The following CMPK1 variants were observed in gnomAD, a reference collection of about 807,000 sequenced individuals.
CMPK1 encodes cytidine/uridine monophosphate kinase 1.
In CMPK1, 10 loss-of-function variants were observed where a neutral mutation model predicts 25.7. That is an observed-to-expected ratio of 0.39 (90% CI 0.24 to 0.66). The LOEUF (loss-of-function observed/expected upper bound fraction) is 0.66. CMPK1 is among the 30% of genes least tolerant of loss of function. CMPK1 has a pLI of 0.48. For missense variants in CMPK1, 199 were observed against 280.5 expected (o/e 0.71, Z 2.08); for synonymous variants, 106 against 101.5 (o/e 1.04, Z -0.27).
At chr1:47,370,257 G>A (rs927446183) in intron 2 of CMPK1, among the ~76,000 whole-genome samples, 2 of 151,684 alleles carry the variant, frequency 1.3e-5, no homozygotes, top group Non-Finnish European at 2.9e-5. Flanking sequence ...CATCATTGAT[G>A]TTCGCTCAGC....
chr1:47,368,517 AG>A lies in CMPK1; in HGVS notation c.222del (p.Lys75ArgfsTer25), dbSNP rs1473687636. On this transcript the variant is annotated frameshift_variant, in exon 2 of 6. Transcript: ENST00000371873. LOFTEE classifies it high-confidence loss of function. Reference protein sequence around the residue: ...LSAGELLRDERKNPDSQYGEL... With the variant: ...LSAGELLRDEXKNPDSQYGEL... ...TGCAGGAGAGCTGCTTCGTGATGAA[AG>A]GAAGAACCCAGATTCACAGTATGGT... 1.2e-6 allele frequency: 2 copies of A among 1,613,408 alleles called. No individual in the cohort carries two copies. Among genetic ancestry groups the A allele is most frequent in the African/African-American group, 2.7e-5 (2 of 74,932 alleles).
chr1:47,355,623 G>C (rs753980519), intron 1 of CMPK1, among the ~76,000 whole-genome samples: 1 of 138,430 alleles, frequency 7.2e-6, no homozygotes, highest in Non-Finnish European at 1.6e-5. Flanking sequence ...TTTTTTTCTG[G>C]GGGGACAGAG....
intron 1 of CMPK1, among the ~76,000 whole-genome samples, chr1:47,335,636 C>CAAAA (rs34856862): frequency 2.7e-5 from 2 of 75,272 alleles, no homozygotes; most frequent in African/African-American, 4.8e-5. Flanking sequence ...AACTCCGTCT[C>CAAAA]AAAAAAAAAA....
chr1:47,358,409 A>T, intron 1 of CMPK1: 2 of 1,230,124 alleles, frequency 1.6e-6, no homozygotes, highest in Non-Finnish European at 1.0e-6. Context: ...CACAGTGCGT[A>T]GTCCCTGTTT....
At chr1:47,359,354 G>C (rs2149330940) in intron 1 of CMPK1, among the ~76,000 whole-genome samples, 1 of 142,304 alleles carries the variant, frequency 7.0e-6, no homozygotes, top group Admixed American at 6.8e-5. Flanking sequence ...GTACAGTGTG[G>C]CCTGTTTAGT....
intron 1 of CMPK1, among the ~76,000 whole-genome samples, chr1:47,342,313 C>T (rs1164809132): frequency 6.6e-6 from 1 of 151,526 alleles, no homozygotes; most frequent in Non-Finnish European, 1.5e-5. Context: ...AATTCTTGAC[C>T]TCAGGTGATC....
chr1:47,375,025 A>G, intron 4 of CMPK1, 40 bp downstream of exon 4: 1 of 1,482,704 alleles, frequency 6.7e-7, no homozygotes. Flanking sequence ...TCAATCCCAG[A>G]CCTGCCTTAT....
At chr1:47,346,939 A>T (rs1373399878) in intron 1 of CMPK1, among the ~76,000 whole-genome samples, 1 of 145,868 alleles carries the variant, frequency 6.9e-6, no homozygotes, top group Non-Finnish European at 1.5e-5. Flanking sequence ...GCCCGCCACC[A>T]TACCCGGCTA....
chr1:47,343,368 G>A (rs896608618), intron 1 of CMPK1, among the ~76,000 whole-genome samples: 14 of 150,792 alleles, frequency 9.3e-5, no homozygotes, highest in Non-Finnish European at 1.5e-4. Flanking sequence ...GAGCCAAGGC[G>A]GGTGGATCAG....
At chr1:47,341,361 T>G (rs1646439560) in intron 1 of CMPK1, among the ~76,000 whole-genome samples, 2 of 152,098 alleles carry the variant, frequency 1.3e-5, no homozygotes, top group African/African-American at 4.8e-5. Flanking sequence ...TTTGTGTTTT[T>G]TTGTTTGTTT....
intron 2 of CMPK1, 139 bp from the exon 3 acceptor site, chr1:47,372,813 CTTT>C (rs58538890): frequency 3.8e-4 from 118 of 314,410 alleles, no homozygotes; most frequent in Non-Finnish European, 4.3e-4. Context: ...TTTTTCTTTT[CTTT>C]TTTTTTTTTG....
chr1:47,374,441 G>A (rs1346028468), intron 3 of CMPK1, among the ~76,000 whole-genome samples: 2 of 152,132 alleles, frequency 1.3e-5, no homozygotes, highest in Non-Finnish European at 2.9e-5. Context: ...ACTTTAGAAT[G>A]TTACCACAGC....
chr1:47,365,351 A>G (rs530491223), intron 1 of CMPK1, among the ~76,000 whole-genome samples: 3 of 148,614 alleles, frequency 2.0e-5, no homozygotes, highest in Non-Finnish European at 4.4e-5. Flanking sequence ...GAGATAAGTT[A>G]GGCCAGTTGG....
chr1:47,376,427 T>G (rs920160028), intron 5 of CMPK1, among the ~76,000 whole-genome samples: 1 of 152,118 alleles, frequency 6.6e-6, no homozygotes, highest in African/African-American at 2.4e-5. Context: ...GTAATTCTCC[T>G]GCCTCAGCCT....
chr1:47,371,481 T>TG (rs1273705270), intron 2 of CMPK1, among the ~76,000 whole-genome samples: 1 of 152,250 alleles, frequency 6.6e-6, no homozygotes, highest in Non-Finnish European at 1.5e-5. Flanking sequence ...TTTGTCATTA[T>TG]TTTTCTTGTA....
At chr1:47,365,651 GT>G (rs1646634754) in intron 1 of CMPK1, among the ~76,000 whole-genome samples, 1 of 70,284 alleles carries the variant, frequency 1.4e-5, no homozygotes, top group Non-Finnish European at 3.0e-5. Context: ...AAAAAAAAAA[GT>G]GAGAGAAATT....
rs573678683 is a variant in CMPK1 at position 47,378,390 on chromosome 1, G to A, written c.*1645G>A. The A allele has an allele frequency of 6.6e-6, 1 of 152,226 alleles. No individual in the cohort carries two copies. Among genetic ancestry groups the A allele is most frequent in the East Asian group, 1.9e-4 (1 of 5,188 alleles). The allele number at this position is 152,226 out of a possible 1,614,324, so 9.4% of individuals were successfully genotyped here. A position where few individuals can be genotyped will look rare whatever the true frequency, so the allele number is the denominator to read the frequency against. On this transcript the variant is annotated 3_prime_UTR_variant, in exon 6 of 6. Transcript: ENST00000371873. ...AAGCAAGAGTAAAGACTAAGGTTTC[G>A]AGAGCATTCCTACTCACATAAGTGA...
intron 5 of CMPK1, 122 bp from the exon 6 acceptor site, chr1:47,376,582 C>T (rs1646710032): frequency 1.9e-6 from 1 of 538,882 alleles, no homozygotes. Flanking sequence ...TCCCAAAGTG[C>T]TGGGATTACA....
intron 1 of CMPK1, among the ~76,000 whole-genome samples, chr1:47,364,935 T>G (rs1646629112): frequency 6.6e-6 from 1 of 151,966 alleles, no homozygotes; most frequent in Non-Finnish European, 1.5e-5. Context: ...GCAAATGTTT[T>G]TATTTTTTGT....
Sources: gnomAD v4.1 joint callset for allele counts (sites outside exome capture counted in the v4.1 genomes callset) on GRCh38, gnomAD v4.1.1 for gene constraint, MANE v1.5 for transcripts, NCBI Gene and HGNC (gene_info 2026-07-23, HGNC 2026-07-21) for gene names.